The following HMGCLL1 variants were observed in gnomAD, a reference collection of about 807,000 sequenced individuals.
HMGCLL1 encodes the protein 3-hydroxymethyl-3-methylglutaryl-CoA lyase, cytoplasmic.
Under a neutral mutation model 39.1 loss-of-function variants are expected in HMGCLL1, and 36 were observed. The observed-to-expected ratio is 0.92, with a 90% confidence interval of 0.71 to 1.22. The LOEUF (loss-of-function observed/expected upper bound fraction) is 1.22, where lower values mean the gene tolerates loss of function less well. Ranked by LOEUF, HMGCLL1 falls within the 50% of genes most tolerant of loss-of-function variation. The probability of loss-of-function intolerance (pLI) is 0.00; values close to 1 mark genes in which losing one functional copy is unlikely to be tolerated. For missense variants in HMGCLL1, 451 were observed against 416.5 expected (o/e 1.08, Z -0.72); for synonymous variants, 149 against 144.0 (o/e 1.03, Z -0.25).
chr6:55,582,934 G>T (rs1772010312), upstream of HMGCLL1, among the ~76,000 whole-genome samples: 1 of 151,898 alleles, frequency 6.6e-6, no homozygotes, highest in South Asian at 2.1e-4. Context: ...AGTTTCTAAA[G>T]TATAGCATGT....
intron 1 of HMGCLL1, among the ~76,000 whole-genome samples, chr6:55,549,402 G>C (rs1357988741): frequency 6.6e-6 from 1 of 151,536 alleles, no homozygotes; most frequent in African/African-American, 2.4e-5. Context: ...GTGTGTGTGT[G>C]TGTGTCTGTG....
chr6:55,670,768 A>C, the HMGCLL1 span, among the ~76,000 whole-genome samples: 1 of 151,868 alleles, frequency 6.6e-6, no homozygotes, highest in East Asian at 1.9e-4. Context: ...GTAGGAACCA[A>C]CAGAAAGTAA....
chr6:55,676,975 A>G, the HMGCLL1 span, among the ~76,000 whole-genome samples: 973 of 152,360 alleles, frequency 6.4e-3, 18 homozygotes, highest in African/African-American at 0.022. Flanking sequence ...CAACTAGCAC[A>G]TAGTTATAGT....
At chr6:55,595,604 A>G in the HMGCLL1 span, among the ~76,000 whole-genome samples, 2 of 152,182 alleles carry the variant, frequency 1.3e-5, no homozygotes, top group Non-Finnish European at 2.9e-5. Flanking sequence ...AAAGTCCAAT[A>G]TGAGAGATAA....
chr6:55,505,718 T>C (rs1021280523), intron 5 of HMGCLL1, among the ~76,000 whole-genome samples: 1 of 151,740 alleles, frequency 6.6e-6, no homozygotes, highest in African/African-American at 2.4e-5. Context: ...AAAAATTTCA[T>C]GTAATATCTT....
intron 7 of HMGCLL1, among the ~76,000 whole-genome samples, chr6:55,452,010 A>G (rs1764111989): frequency 1.3e-5 from 2 of 152,206 alleles, no homozygotes; most frequent in Non-Finnish European, 2.9e-5. Flanking sequence ...TATTATTCAA[A>G]TATTCTTGAA....
intron 1 of HMGCLL1, 43 bp from the exon 2 acceptor site, chr6:55,542,183 T>C: frequency 3.1e-6 from 4 of 1,288,804 alleles, no homozygotes; most frequent in Non-Finnish European, 4.5e-6. Context: ...AACTTTTAGA[T>C]TGTTACATTT....
chr6:55,588,479 A>G, the HMGCLL1 span, among the ~76,000 whole-genome samples: 1 of 152,132 alleles, frequency 6.6e-6, no homozygotes, highest in East Asian at 1.9e-4. Context: ...ACACCCTAAC[A>G]TCACAATTAA....
chr6:55,509,407 A>G (rs906895978), intron 5 of HMGCLL1, among the ~76,000 whole-genome samples: 2 of 151,866 alleles, frequency 1.3e-5, no homozygotes, highest in African/African-American at 4.8e-5. Context: ...GAGACTCATT[A>G]TCTCACTCAA....
chr6:55,501,554 A>G (rs1766892025), intron 5 of HMGCLL1, among the ~76,000 whole-genome samples: 1 of 151,838 alleles, frequency 6.6e-6, no homozygotes, highest in Non-Finnish European at 1.5e-5. Flanking sequence ...CTCTTATTTG[A>G]CAAGCGGCCA....
chr6:55,520,434 C>T (rs530769151), intron 3 of HMGCLL1, among the ~76,000 whole-genome samples: 1 of 151,894 alleles, frequency 6.6e-6, no homozygotes, highest in African/African-American at 2.4e-5. Flanking sequence ...TAAAAGTGCT[C>T]ACAATATAAT....
At chr6:55,553,003 C>T (rs914475445) in intron 1 of HMGCLL1, among the ~76,000 whole-genome samples, 4 of 151,524 alleles carry the variant, frequency 2.6e-5, no homozygotes, top group Non-Finnish European at 5.9e-5. Context: ...ATTAGCTGGT[C>T]ACTGTGGCAC....
At chr6:55,464,022 T>C (rs1304214029) in intron 7 of HMGCLL1, among the ~76,000 whole-genome samples, 3 of 152,190 alleles carry the variant, frequency 2.0e-5, no homozygotes, top group Non-Finnish European at 4.4e-5. Context: ...GTTCATACTC[T>C]TTGAATTTTA....
chr6:55,602,765 C>T, the HMGCLL1 span, among the ~76,000 whole-genome samples: 1 of 152,020 alleles, frequency 6.6e-6, no homozygotes, highest in African/African-American at 2.4e-5. Context: ...TGTATTGAAA[C>T]CAATTGGAAA....
intron 7 of HMGCLL1, among the ~76,000 whole-genome samples, chr6:55,469,583 G>A (rs9382495): frequency 0.25 from 38,240 of 150,854 alleles, 4,902 homozygotes; most frequent in East Asian, 0.43. Flanking sequence ...AATTGCTTGA[G>A]CAAGGATGAG....
the HMGCLL1 span, among the ~76,000 whole-genome samples, chr6:55,670,001 A>T: frequency 6.6e-6 from 1 of 151,826 alleles, no homozygotes; most frequent in Non-Finnish European, 1.5e-5. Flanking sequence ...TAGGAAGTTA[A>T]ATTACAAATA....
chr6:55,531,914 CATTAT>C (rs1273153992), intron 3 of HMGCLL1, among the ~76,000 whole-genome samples: 2 of 152,164 alleles, frequency 1.3e-5, no homozygotes, highest in East Asian at 3.9e-4. Flanking sequence ...ACTGATTCTA[CATTAT>C]AGTGAGTTGT....
At chr6:55,507,354 C>T (rs201483622) in intron 5 of HMGCLL1, among the ~76,000 whole-genome samples, 1 of 151,794 alleles carries the variant, frequency 6.6e-6, no homozygotes, top group East Asian at 1.9e-4. Context: ...ACAAGGGGGA[C>T]TACTCTAAGT....
intron 3 of HMGCLL1, among the ~76,000 whole-genome samples, chr6:55,528,942 A>C (rs1446082958): frequency 2.6e-5 from 4 of 152,068 alleles, no homozygotes; most frequent in Non-Finnish European, 5.9e-5. Context: ...ACAAGTATTC[A>C]TTTTTTAAAT....
Sources: gnomAD v4.1 joint callset for allele counts (sites outside exome capture counted in the v4.1 genomes callset) on GRCh38, gnomAD v4.1.1 for gene constraint, MANE v1.5 for transcripts, NCBI Gene and HGNC (gene_info 2026-07-23, HGNC 2026-07-21) for gene names.